The following MEF2A variants were observed in gnomAD, a reference collection of about 807,000 sequenced individuals.
MEF2A encodes myocyte enhancer factor 2A, also known as myocyte-specific enhancer factor 2A.
Under a neutral mutation model 55.8 loss-of-function variants are expected in MEF2A, and 28 were observed. The observed-to-expected ratio is 0.50, with a 90% CI of 0.37 to 0.69. MEF2A has a LOEUF of 0.69. Among genes scored for constraint, MEF2A ranks in the 30% least tolerant of loss-of-function variants. The pLI, the probability that MEF2A is intolerant of heterozygous loss-of-function variation, is 0.00. For missense variants in MEF2A, 528 were observed against 626.2 expected (o/e 0.84, Z 1.67); for synonymous variants, 239 against 227.1 (o/e 1.05, Z -0.47).
At chr15:99,691,254 A>G (rs1211464268) in intron 8 of MEF2A, among the ~76,000 whole-genome samples, 1 of 152,208 alleles carries the variant, frequency 6.6e-6, no homozygotes, top group Non-Finnish European at 1.5e-5. Flanking sequence ...TTTAAAAAGT[A>G]AAATACAGAG....
chr15:99,690,353 T>A lies in MEF2A; in HGVS notation c.783T>A (p.Asn261Lys), dbSNP rs1387648248. 1 of 1,613,484 alleles carries A rather than the reference T, an allele frequency of 6.2e-7. No individual in the cohort carries two copies. Among genetic ancestry groups the A allele is most frequent in the Non-Finnish European group, 8.5e-7 (1 of 1,179,808 alleles). ...CTCCCCCTCCACCAGGTGGTGGTAATCTTGGAATGAACAGTAGGAAACCAG... is the reference window on the plus strand; with the variant it reads ...CTCCCCCTCCACCAGGTGGTGGTAAACTTGGAATGAACAGTAGGAAACCAG... ...TKSPPPPGGGNLGMNSRKPDL... is the reference protein window; with the variant it reads ...TKSPPPPGGGKLGMNSRKPDL... Residue 261 changes from asparagine to lysine, a missense_variant, in exon 8 of 12, where the codon AAT becomes AAA. Asn to Lys is a moderately conservative substitution (Grantham distance 94). Coordinates refer to ENST00000557942, the MANE Select transcript of MEF2A (RefSeq NM_001319206.4).
chr15:99,658,868 G>C (rs2048176927), intron 4 of MEF2A, among the ~76,000 whole-genome samples: 1 of 152,092 alleles, frequency 6.6e-6, no homozygotes. Context: ...TACTGCTTTG[G>C]AAGAAAGGGC....
rs964316366 is a variant in MEF2A at position 99,645,029 on chromosome 15, G to A, written c.55-532G>A. Among the ~76,000 whole-genome samples the A allele has an allele frequency of 2.6e-5, 4 of 152,122 alleles. No individual in the cohort carries two copies. The South Asian group carries it at 8.3e-4, about 32-fold the overall frequency. On this transcript the variant is annotated intron_variant, in intron 3 of 11. Transcript: ENST00000557942. ...GGGTCTCTGTTAGAGAGGATTTCAG[G>A]TAACAGGTTTCAGTTAAAGAAAGAA...
chr15:99,694,562 A>T (rs537640448), intron 8 of MEF2A, among the ~76,000 whole-genome samples: 1 of 152,308 alleles, frequency 6.6e-6, no homozygotes, highest in South Asian at 2.1e-4. Context: ...TGGGATGACC[A>T]ACCTGTATCG....
chr15:99,671,234 A>T (rs2050804786), intron 4 of MEF2A, 89 bp from the exon 5 acceptor site: 1 of 1,434,450 alleles, frequency 7.0e-7, no homozygotes, highest in South Asian at 1.4e-5. Flanking sequence ...AATTCAGTTC[A>T]TTCCGTCTGT....
chr15:99,658,831 G>A (rs961718973), intron 4 of MEF2A, among the ~76,000 whole-genome samples: 3 of 152,118 alleles, frequency 2.0e-5, no homozygotes, highest in Non-Finnish European at 4.4e-5. Flanking sequence ...CATAACACCT[G>A]TATATCAGTG....
chr15:99,648,753 A>T (rs1159223707), intron 4 of MEF2A, among the ~76,000 whole-genome samples: 7 of 152,018 alleles, frequency 4.6e-5, no homozygotes, highest in African/African-American at 1.7e-4. Context: ...TCTTCATTAG[A>T]TGTGTTCCTC....
intron 1 of MEF2A, among the ~76,000 whole-genome samples, chr15:99,580,242 C>T (rs1965529713): frequency 6.6e-6 from 1 of 152,068 alleles, no homozygotes; most frequent in South Asian, 2.1e-4. Context: ...TGGTGACTTC[C>T]CCCGCCCCCC....
At chr15:99,688,375 A>G (rs2054705857) in intron 7 of MEF2A, among the ~76,000 whole-genome samples, 1 of 152,238 alleles carries the variant, frequency 6.6e-6, no homozygotes, top group Middle Eastern at 3.2e-3. Flanking sequence ...GCATGGTTTA[A>G]TCAGGGATTT....
At chr15:99,571,074 C>A (rs915407072) in intron 1 of MEF2A, among the ~76,000 whole-genome samples, 5 of 151,900 alleles carry the variant, frequency 3.3e-5, no homozygotes, top group African/African-American at 1.2e-4. Context: ...TATCCCGCCA[C>A]TCTGGAGGCT....
chr15:99,679,922 A>G (rs1019974), intron 7 of MEF2A, among the ~76,000 whole-genome samples: 36,926 of 152,184 alleles, frequency 0.24, 4,754 homozygotes, highest in African/African-American at 0.31. Flanking sequence ...AAATGTATAG[A>G]CACTCAACAC....
At chr15:99,582,586 G>T (rs1417459739) in intron 1 of MEF2A, among the ~76,000 whole-genome samples, 1 of 152,030 alleles carries the variant, frequency 6.6e-6, no homozygotes, top group East Asian at 1.9e-4. Flanking sequence ...TAGCATCTCA[G>T]TGAAAATGTG....
At chr15:99,651,359 G>A (rs572952746) in intron 4 of MEF2A, among the ~76,000 whole-genome samples, 4 of 152,176 alleles carry the variant, frequency 2.6e-5, no homozygotes, top group Admixed American at 2.0e-4. Flanking sequence ...ACAGTATCAT[G>A]ATATTCTCAA....
At chr15:99,602,987 C>T (rs1195859381) in intron 2 of MEF2A, among the ~76,000 whole-genome samples, 1 of 151,990 alleles carries the variant, frequency 6.6e-6, no homozygotes, top group Non-Finnish European at 1.5e-5. Context: ...TTTATTGGCA[C>T]GAAGTTGTAT....
rs554837395 is a variant in MEF2A at position 99,573,145 on chromosome 15, G to A, written c.-225+7041G>A. ...CTACTAAAAATACAAAAAATTAGCC[G>A]GGCGTGGTGGTGGGCACCAGTAGTC... On this transcript the variant is annotated intron_variant, in intron 1 of 11. Coordinates refer to ENST00000557942, the MANE Select transcript of MEF2A (RefSeq NM_001319206.4). 1.1e-4 allele frequency among the ~76,000 whole-genome samples: 16 copies of A among 152,186 alleles called. No individual in the cohort carries two copies. The East Asian group carries it at 1.5e-3, about 15-fold the overall frequency.
intron 2 of MEF2A, among the ~76,000 whole-genome samples, chr15:99,600,252 G>C (rs552457553): frequency 6.6e-6 from 1 of 152,200 alleles, no homozygotes; most frequent in South Asian, 2.1e-4. Context: ...TCTCTATGCT[G>C]CTTCCTCTAC....
chr15:99,599,732 A>G (rs1166714912), intron 2 of MEF2A, among the ~76,000 whole-genome samples: 1 of 152,148 alleles, frequency 6.6e-6, no homozygotes, highest in Admixed American at 6.5e-5. Flanking sequence ...ATTTTAAAAT[A>G]TAAACCTTGG....
intron 4 of MEF2A, among the ~76,000 whole-genome samples, chr15:99,667,484 A>G (rs1042538307): frequency 5.3e-5 from 8 of 152,202 alleles, no homozygotes; most frequent in Admixed American, 5.2e-4. Flanking sequence ...CGGCCTCCCA[A>G]AGTGCTGGGA....
chr15:99,569,577 A>G (rs978131076), intron 1 of MEF2A, among the ~76,000 whole-genome samples: 5 of 152,194 alleles, frequency 3.3e-5, no homozygotes, highest in Non-Finnish European at 7.3e-5. Flanking sequence ...ATATTTTTCT[A>G]AAGATTCAAG....
Sources: allele counts gnomAD v4.1 joint callset (sites outside exome capture counted in the v4.1 genomes callset), GRCh38; gene constraint gnomAD v4.1.1; transcripts MANE v1.5; gene names NCBI Gene and HGNC (gene_info 2026-07-23, HGNC 2026-07-21).